NIPBL: variants seen among roughly 807,000 people sequenced by gnomAD.
NIPBL encodes the protein nipped-B-like protein.
NIPBL carries 19 observed loss-of-function variants against 321.8 expected under a neutral mutation model. The ratio of observed to expected loss-of-function variants is 0.06; its 90% CI spans 0.04 to 0.09. The LOEUF is 0.09. Ranked by LOEUF, NIPBL falls within the 10% of genes least tolerant of loss-of-function variation. The probability of loss-of-function intolerance (pLI) is 1.00; values close to 1 mark genes in which losing one functional copy is unlikely to be tolerated. For synonymous variants in NIPBL, 1,106 were observed against 1,114.1 expected (o/e 0.99, Z 0.14); for missense variants, 2,210 against 3,327.0 (o/e 0.66, Z 8.26).
chr5:37,033,489 C>T (rs1221460205), intron 32 of NIPBL, among the ~76,000 whole-genome samples: 1 of 150,724 alleles, frequency 6.6e-6, no homozygotes, highest in African/African-American at 2.4e-5. Flanking sequence ...ACAGAAGTGG[C>T]ACTGCAGATG....
At chr5:37,010,643 T>C (rs910586823) in intron 21 of NIPBL, among the ~76,000 whole-genome samples, 2 of 152,158 alleles carry the variant, frequency 1.3e-5, no homozygotes, top group Non-Finnish European at 2.9e-5. Flanking sequence ...ATGGCTGGGC[T>C]TTAAGGTCCT....
intron 1 of NIPBL, among the ~76,000 whole-genome samples, chr5:36,937,455 C>A (rs1738563420): frequency 6.6e-6 from 1 of 152,120 alleles, no homozygotes; most frequent in Admixed American, 6.6e-5. Context: ...TAGGTTAAAC[C>A]ATACCGTTGG....
intron 10 of NIPBL, among the ~76,000 whole-genome samples, chr5:36,987,628 A>G (rs1015644407): frequency 4.6e-5 from 7 of 152,166 alleles, no homozygotes; most frequent in Non-Finnish European, 1.0e-4. Context: ...GTCTTCGTCA[A>G]CATTCATTTT....
intron 11 of NIPBL, among the ~76,000 whole-genome samples, chr5:36,999,713 C>CG (rs139729234): frequency 5.3e-5 from 8 of 152,130 alleles, no homozygotes; most frequent in Non-Finnish European, 1.0e-4. Flanking sequence ...GCTTATGAAG[C>CG]GTGCATAAGC....
intron 1 of NIPBL, among the ~76,000 whole-genome samples, chr5:36,934,075 G>T (rs1749981443): frequency 6.6e-6 from 1 of 151,962 alleles, no homozygotes; most frequent in Non-Finnish European, 1.5e-5. Context: ...TGACCACCTG[G>T]TGTCATCATT....
chr5:36,943,075 A>T (rs1197919407), intron 1 of NIPBL, among the ~76,000 whole-genome samples: 1 of 152,014 alleles, frequency 6.6e-6, no homozygotes, highest in African/African-American at 2.4e-5. Context: ...TTTTATTGTC[A>T]TATTGTTTTT....
At chr5:36,886,315 G>T in intron 1 of NIPBL, 1 of 684,672 alleles carries the variant, frequency 1.5e-6, no homozygotes, top group Non-Finnish European at 2.7e-6. Context: ...GAACATCAAG[G>T]TCAAGCTGGA....
At chr5:36,941,165 A>G (rs183171514) in intron 1 of NIPBL, among the ~76,000 whole-genome samples, 9 of 152,200 alleles carry the variant, frequency 5.9e-5, no homozygotes, top group Admixed American at 3.3e-4. Context: ...AAGAAAACAT[A>G]GGTAAAGAGA....
chr5:37,048,810 G>T (rs999124564), intron 39 of NIPBL, 135 bp downstream of exon 39: 31 of 756,166 alleles, frequency 4.1e-5, no homozygotes, highest in Non-Finnish European at 6.3e-5. Context: ...TTATGCTGAG[G>T]TCTATAGCTG....
chr5:37,051,716 C>T, intron 40 of NIPBL, 63 bp from the exon 41 acceptor site: 1 of 1,112,042 alleles, frequency 9.0e-7, no homozygotes, highest in Non-Finnish European at 1.4e-6. Context: ...AAAGTTTTGA[C>T]ATATGTCTAA....
At chr5:37,031,358 T>C (rs1751000384) in intron 32 of NIPBL, among the ~76,000 whole-genome samples, 2 of 152,188 alleles carry the variant, frequency 1.3e-5, no homozygotes, top group Non-Finnish European at 2.9e-5. Context: ...TTTTGGCATT[T>C]TTCAGTAGGA....
chr5:36,902,225 G>A (rs1023513559), intron 1 of NIPBL, among the ~76,000 whole-genome samples: 7 of 152,046 alleles, frequency 4.6e-5, no homozygotes, highest in Admixed American at 3.3e-4. Flanking sequence ...TCACTCTGTT[G>A]ATAGTTTCTT....
At chr5:36,998,906 A>G (rs534870984) in intron 11 of NIPBL, among the ~76,000 whole-genome samples, 5 of 152,306 alleles carry the variant, frequency 3.3e-5, no homozygotes, top group Admixed American at 2.0e-4. Context: ...AACCAAATTC[A>G]TACCTAATTA....
At chr5:37,025,151 A>G (rs950629376) in intron 30 of NIPBL, among the ~76,000 whole-genome samples, 5 of 152,150 alleles carry the variant, frequency 3.3e-5, no homozygotes, top group Non-Finnish European at 5.9e-5. Context: ...TACTCTAGAG[A>G]TTGACACAGG....
rs1747561006 is a variant in NIPBL, at chr5:37,007,354, T to C, written c.4119T>C (p.Ala1373=). 1 of 1,612,178 alleles carries C rather than the reference T, an allele frequency of 6.2e-7. No homozygotes were observed. The highest frequency in any genetic ancestry group is 8.5e-7 in the Non-Finnish European group (1 of 1,178,786). ...GGLLSSKAKR[A]KCSTHKQRVI... ...TATTAAGTTCAAAAGCAAAACGGGC[T>C]AAATGTTCTACCCATAAGCAGAGAG... is the stretch of plus-strand genomic sequence containing the variant. The change falls in exon 18 of 47, where the codon GCT becomes GCC. Residue 1373 remains alanine, a synonymous_variant. Coordinates refer to ENST00000282516, the MANE Select transcript of NIPBL (RefSeq NM_133433.4).
chr5:36,988,336 A>G (rs143716212), intron 10 of NIPBL, among the ~76,000 whole-genome samples: 2 of 152,186 alleles, frequency 1.3e-5, no homozygotes, highest in East Asian at 1.9e-4. Flanking sequence ...ATGTGTGTGT[A>G]TGTGTACATG....
At chr5:36,885,757 C>G in intron 1 of NIPBL, 1 of 611,078 alleles carries the variant, frequency 1.6e-6, no homozygotes, top group Non-Finnish European at 3.1e-6. Flanking sequence ...TCCGTGGGCT[C>G]TGCAAGGTCA....
In NIPBL at chr5:36,976,320, G is replaced by A. The variant is rs1370377908; in HGVS notation, c.1413G>A (p.Leu471=). 2.5e-6 allele frequency: 4 copies of A among 1,613,036 alleles called. No homozygotes were observed. Among genetic ancestry groups the A allele is most frequent in the Non-Finnish European group, 3.4e-6 (4 of 1,179,758 alleles). Residue 471 remains leucine (L), a synonymous_variant, in exon 9 of 47, where the codon TTG becomes TTA. Transcript: ENST00000282516. ...QQGPIYDEVE[L]DALAEIERIE... The stretch of plus-strand genomic sequence containing the variant: ...GACCTATATATGATGAAGTGGAATT[G>A]GATGCATTGGCTGAAATTGAGCGAA...
intron 10 of NIPBL, among the ~76,000 whole-genome samples, chr5:36,989,518 C>G (rs1055934506): frequency 2.0e-5 from 3 of 152,006 alleles, no homozygotes; most frequent in African/African-American, 4.8e-5. Flanking sequence ...TAGACTATTA[C>G]CCTAATGTAT....
Sources: gnomAD v4.1 joint callset for allele counts (sites outside exome capture counted in the v4.1 genomes callset) on GRCh38, gnomAD v4.1.1 for gene constraint, MANE v1.5 for transcripts, NCBI Gene and HGNC (gene_info 2026-07-23, HGNC 2026-07-21) for gene names.